KCND3: variants seen among roughly 807,000 people sequenced by gnomAD.
KCND3 encodes the protein potassium voltage-gated channel subfamily D member 3.
A neutral mutation model predicts 51.1 loss-of-function variants in KCND3; 9 were observed. That is an observed-to-expected ratio of 0.18 (90% CI 0.11 to 0.31). KCND3 has a LOEUF of 0.31. Ranked by LOEUF, KCND3 falls within the 10% of genes least tolerant of loss-of-function variation. The pLI, the probability that KCND3 is intolerant of heterozygous loss-of-function variation, is 1.00. For synonymous variants in KCND3, 349 were observed against 368.0 expected (o/e 0.95, Z 0.59); for missense variants, 526 against 903.8 (o/e 0.58, Z 5.36).
chr1:111,794,713 A>G (rs1664982010), intron 2 of KCND3, among the ~76,000 whole-genome samples: 1 of 152,186 alleles, frequency 6.6e-6, no homozygotes, highest in Non-Finnish European at 1.5e-5. Context: ...GCAAAAGACA[A>G]CAGTAGACCA....
intron 2 of KCND3, among the ~76,000 whole-genome samples, chr1:111,903,777 C>G (rs1670505408): frequency 6.6e-6 from 1 of 152,230 alleles, no homozygotes; most frequent in Non-Finnish European, 1.5e-5. Flanking sequence ...CCCTGCCTCT[C>G]AGCCAGTTCA....
intron 2 of KCND3, among the ~76,000 whole-genome samples, chr1:111,888,276 A>T (rs974634530): frequency 2.0e-5 from 3 of 152,128 alleles, no homozygotes; most frequent in Non-Finnish European, 2.9e-5. Context: ...AGAGGGAGAG[A>T]AATGGGAGGG....
At chr1:111,809,149 G>A (rs1665716480) in intron 2 of KCND3, among the ~76,000 whole-genome samples, 1 of 152,302 alleles carries the variant, frequency 6.6e-6, no homozygotes, top group Non-Finnish European at 1.5e-5. Context: ...GTGGGCCCTG[G>A]GCCGCTGTTG....
At chr1:111,828,953 G>T (rs1414590594) in intron 2 of KCND3, among the ~76,000 whole-genome samples, 1 of 152,182 alleles carries the variant, frequency 6.6e-6, no homozygotes, top group Non-Finnish European at 1.5e-5. Flanking sequence ...TTCTGGTCCT[G>T]GCTTTCTGCC....
chr1:111,793,869 T>G (rs1033774586), intron 2 of KCND3, among the ~76,000 whole-genome samples: 1 of 152,272 alleles, frequency 6.6e-6, no homozygotes, highest in South Asian at 2.1e-4. Flanking sequence ...CGTTATTTCC[T>G]TTTTGTCTTC....
At chr1:111,837,433 C>T (rs1053547191) in intron 2 of KCND3, among the ~76,000 whole-genome samples, 3 of 152,214 alleles carry the variant, frequency 2.0e-5, no homozygotes, top group Non-Finnish European at 4.4e-5. Context: ...CCTGCTCTGT[C>T]CCATGGCTCT....
rs573673099 is a variant in KCND3 at position 111,785,058 on chromosome 1, AAT to A, written c.1269+1884_1269+1885del. Reference sequence around the variant, plus strand: ...AGTGAGACCCCATCTCTAAAATAATAATAATAATAAATCAATTCCCAGGTGAA... The same window carrying A: ...AGTGAGACCCCATCTCTAAAATAATAAATAATAAATCAATTCCCAGGTGAA... On this transcript the variant is annotated intron_variant, in intron 3 of 7. Coordinates refer to ENST00000302127, the MANE Select transcript of KCND3 (RefSeq NM_001378969.1). Among the ~76,000 whole-genome samples the A allele has an allele frequency of 2.2e-3, 334 of 152,240 alleles. 1 individual carries two copies. Among genetic ancestry groups the A allele is most frequent in the Non-Finnish European group, 3.5e-3 (240 of 68,004 alleles).
intron 2 of KCND3, among the ~76,000 whole-genome samples, chr1:111,805,800 G>A (rs960540863): frequency 2.0e-5 from 3 of 152,232 alleles, no homozygotes; most frequent in African/African-American, 7.2e-5. Context: ...CTGCAGAGCA[G>A]GGCAGCAACC....
At chr1:111,940,340 T>C (rs1284062110) in intron 2 of KCND3, among the ~76,000 whole-genome samples, 1 of 152,138 alleles carries the variant, frequency 6.6e-6, no homozygotes, top group Admixed American at 6.5e-5. Flanking sequence ...GGTTTTCTTC[T>C]CGGGTTTTTA....
At chr1:111,803,900 G>A (rs1258843725) in intron 2 of KCND3, among the ~76,000 whole-genome samples, 1 of 152,216 alleles carries the variant, frequency 6.6e-6, no homozygotes, top group Non-Finnish European at 1.5e-5. Flanking sequence ...GTGACAAACA[G>A]TCCTGCAAAA....
rs568730008 is a variant in KCND3 at position 111,967,798 on chromosome 1, C to T, written c.1106+13823G>A. Among the ~76,000 whole-genome samples the T allele has an allele frequency of 8.5e-5, 13 of 152,270 alleles. No individual in the cohort carries two copies. The East Asian group carries it at 2.3e-3, about 27-fold the overall frequency. On this transcript the variant is annotated intron_variant, in intron 2 of 7. Transcript: ENST00000302127. ...CTAGTAGATGAGAATTCATTCAATC[C>T]AACCCCCTCACCATTCAGAAGAGGA... is the stretch of plus-strand genomic sequence containing the variant.
intron 2 of KCND3, among the ~76,000 whole-genome samples, chr1:111,926,171 C>A (rs1357450403): frequency 1.3e-5 from 2 of 152,136 alleles, no homozygotes; most frequent in African/African-American, 4.8e-5. Context: ...GCTCCTTCAA[C>A]TGAGTTGGGG....
intron 2 of KCND3, among the ~76,000 whole-genome samples, chr1:111,816,191 C>G (rs927762190): frequency 2.0e-5 from 3 of 152,250 alleles, no homozygotes; most frequent in Admixed American, 6.5e-5. Context: ...AGGCAAACCC[C>G]TACCACATGG....
chr1:111,976,911 T>C (rs1674663632), intron 2 of KCND3, among the ~76,000 whole-genome samples: 1 of 152,260 alleles, frequency 6.6e-6, no homozygotes, highest in Non-Finnish European at 1.5e-5. Context: ...CCATGCTGCC[T>C]GGAGTGTAGG....
rs74109797 is a variant in KCND3, at chr1:111,978,194, G to T, written c.1106+3427C>A. 6.4e-3 allele frequency among the ~76,000 whole-genome samples: 969 copies of T among 152,318 alleles called. 9 individuals carry two copies. Among genetic ancestry groups the T allele is most frequent in the African/African-American group, 0.022 (917 of 41,568 alleles). On this transcript the variant is annotated intron_variant, in intron 2 of 7. Coordinates refer to ENST00000302127, the MANE Select transcript of KCND3 (RefSeq NM_001378969.1). ...GACACCTGAGTAACTCATCAACGAG[G>T]TGCTGGGAAAGCAGGCAGAGAGGGC...
intron 2 of KCND3, among the ~76,000 whole-genome samples, chr1:111,824,613 C>A (rs1666494452): frequency 6.6e-6 from 1 of 152,080 alleles, no homozygotes. Flanking sequence ...TAGAAATGGA[C>A]CCTCTTGATC....
chr1:111,934,254 G>C (rs1672108247), intron 2 of KCND3, among the ~76,000 whole-genome samples: 1 of 152,192 alleles, frequency 6.6e-6, no homozygotes, highest in African/African-American at 2.4e-5. Flanking sequence ...CCATCCTCCA[G>C]ACACTCCAGA....
intron 2 of KCND3, among the ~76,000 whole-genome samples, chr1:111,813,153 G>A (rs959749695): frequency 6.6e-6 from 1 of 152,058 alleles, no homozygotes; most frequent in East Asian, 1.9e-4. Context: ...TGGGAGTGGG[G>A]GTATGGGAAG....
At chr1:111,803,334 T>C (rs1466223844) in intron 2 of KCND3, among the ~76,000 whole-genome samples, 2 of 152,204 alleles carry the variant, frequency 1.3e-5, no homozygotes, top group Non-Finnish European at 2.9e-5. Context: ...TATAAGTACA[T>C]GGATGCTTCT....
Sources: allele counts gnomAD v4.1 joint callset (sites outside exome capture counted in the v4.1 genomes callset), GRCh38; gene constraint gnomAD v4.1.1; transcripts MANE v1.5; gene names NCBI Gene and HGNC (gene_info 2026-07-23, HGNC 2026-07-21).